Variants in WDR72 observed in about 807,000 individuals in gnomAD.
WDR72 encodes the protein WD repeat-containing protein 72.
WDR72 carries 120 observed loss-of-function variants against 124.2 expected under a neutral mutation model. The observed-to-expected ratio is 0.97, with a 90% CI of 0.83 to 1.12. The LOEUF is 1.12. Among genes scored for constraint, WDR72 ranks in the 50% most tolerant of loss-of-function variants. WDR72 has a pLI of 0.00. For synonymous variants in WDR72, 452 were observed against 441.7 expected, an observed-to-expected ratio of 1.02 and a Z score of -0.29; for missense variants, 1,387 against 1,278.8, an observed-to-expected ratio of 1.08 and a Z score of -1.29.
chr15:53,566,229 T>C (rs1487287304), intron 18 of WDR72, among the ~76,000 whole-genome samples: 5 of 151,960 alleles, frequency 3.3e-5, no homozygotes, highest in Non-Finnish European at 5.9e-5. Flanking sequence ...TCCAAGTACA[T>C]GCTGGTAGTA....
intron 14 of WDR72, among the ~76,000 whole-genome samples, chr15:53,643,051 C>T (rs926262696): frequency 1.3e-5 from 2 of 152,018 alleles, no homozygotes; most frequent in African/African-American, 4.8e-5. Context: ...TTTGCCACTG[C>T]CTTGTCCATT....
chr15:53,604,611 C>G (rs201379456), intron 17 of WDR72, among the ~76,000 whole-genome samples: 1 of 73,174 alleles, frequency 1.4e-5, no homozygotes, highest in Non-Finnish European at 3.2e-5. Flanking sequence ...CCAGAGTCTA[C>G]AAAGAACTTA....
At chr15:53,567,477 G>A (rs984376686) in intron 18 of WDR72, among the ~76,000 whole-genome samples, 1 of 151,832 alleles carries the variant, frequency 6.6e-6, no homozygotes, top group African/African-American at 2.4e-5. Flanking sequence ...TTTTTCAAAG[G>A]GACTAAGTTC....
At chr15:53,732,399 C>T (rs689955) in intron 2 of WDR72, among the ~76,000 whole-genome samples, 9,377 of 152,080 alleles carry the variant, frequency 0.062, 980 homozygotes, top group African/African-American at 0.21. Flanking sequence ...TATTCTGATA[C>T]GTTAAATGTT....
chr15:53,629,273 T>A (rs2014330962), intron 14 of WDR72, among the ~76,000 whole-genome samples: 1 of 151,780 alleles, frequency 6.6e-6, no homozygotes. Flanking sequence ...GAAAAAATTT[T>A]TCTCTAGAAA....
intron 13 of WDR72, among the ~76,000 whole-genome samples, chr15:53,687,971 A>C (rs1157938420): frequency 1.4e-5 from 2 of 147,696 alleles, no homozygotes; most frequent in Non-Finnish European, 3.0e-5. Flanking sequence ...CCACATGATT[A>C]TCTCAATAGA....
At chr15:53,674,879 G>A (rs531751507) in intron 13 of WDR72, among the ~76,000 whole-genome samples, 2 of 151,876 alleles carry the variant, frequency 1.3e-5, no homozygotes, top group South Asian at 4.2e-4. Context: ...CAACCCTCAC[G>A]TCTAATTCTG....
chr15:53,726,264 G>GTATATATATATATATATATATAATATA (rs34367324), intron 2 of WDR72, among the ~76,000 whole-genome samples: 4 of 110,356 alleles, frequency 3.6e-5, no homozygotes, highest in African/African-American at 1.8e-4. Flanking sequence ...ATGTATGTGT[G>GTATATATATATATATATATATAATATA]TATATATATA....
chr15:53,687,038 A>G (rs1427602012), intron 13 of WDR72, among the ~76,000 whole-genome samples: 2 of 150,992 alleles, frequency 1.3e-5, no homozygotes, highest in Non-Finnish European at 2.9e-5. Context: ...AACATACCAG[A>G]ATCTCTGGGA....
chr15:53,687,162 A>G (rs2016664762), intron 13 of WDR72, among the ~76,000 whole-genome samples: 1 of 148,442 alleles, frequency 6.7e-6, no homozygotes, highest in African/African-American at 2.5e-5. Flanking sequence ...CTAGAAAAGC[A>G]AGAGCAAACA....
intron 18 of WDR72, among the ~76,000 whole-genome samples, chr15:53,524,477 G>T (rs553392208): frequency 6.6e-6 from 1 of 152,074 alleles, no homozygotes; most frequent in Admixed American, 6.6e-5. Context: ...CATTTGGTAC[G>T]TGACACAACG....
At chr15:53,529,677 C>T (rs1892342570) in intron 18 of WDR72, among the ~76,000 whole-genome samples, 1 of 151,854 alleles carries the variant, frequency 6.6e-6, no homozygotes, top group Non-Finnish European at 1.5e-5. Flanking sequence ...AGTATGTGTT[C>T]CTGTGGACTC....
At chr15:53,687,104 A>G (rs1426227192) in intron 13 of WDR72, among the ~76,000 whole-genome samples, 1 of 150,134 alleles carries the variant, frequency 6.7e-6, no homozygotes, top group Non-Finnish European at 1.5e-5. Flanking sequence ...CCACAAGAGA[A>G]AGCAGGAAAG....
At chr15:53,555,103 G>GATTC (rs1397318540) in intron 18 of WDR72, among the ~76,000 whole-genome samples, 3 of 151,942 alleles carry the variant, frequency 2.0e-5, no homozygotes, top group African/African-American at 4.8e-5. Context: ...GAGATTTAAT[G>GATTC]ATTCATCTGA....
At chr15:53,552,305 A>T (rs1265964353) in intron 18 of WDR72, among the ~76,000 whole-genome samples, 1 of 152,162 alleles carries the variant, frequency 6.6e-6, no homozygotes, top group Non-Finnish European at 1.5e-5. Flanking sequence ...GATGCTACAT[A>T]TTCTCCACTA....
chr15:53,743,455 A>G (rs1218969887), intron 1 of WDR72, among the ~76,000 whole-genome samples: 1 of 152,164 alleles, frequency 6.6e-6, no homozygotes. Context: ...CCTACCTTTT[A>G]TAGTTAATAA....
At chr15:53,607,118 C>T (rs2013319798) in intron 17 of WDR72, among the ~76,000 whole-genome samples, 2 of 152,064 alleles carry the variant, frequency 1.3e-5, no homozygotes, top group Admixed American at 1.3e-4. Context: ...CAACGCACAA[C>T]TATTTATTGT....
At chr15:53,723,127 G>A (rs1284659228) in intron 2 of WDR72, among the ~76,000 whole-genome samples, 1 of 152,162 alleles carries the variant, frequency 6.6e-6, no homozygotes, top group African/African-American at 2.4e-5. Flanking sequence ...TTGGTTTGGT[G>A]TCCATCATGA....
intron 9 of WDR72, 133 bp from the exon 10 acceptor site, chr15:53,706,207 C>T: frequency 9.2e-7 from 1 of 1,085,036 alleles, no homozygotes; most frequent in Non-Finnish European, 1.3e-6. Flanking sequence ...TTGACATTTT[C>T]AAGTAAATTA....
Sources: allele counts gnomAD v4.1 joint callset (sites outside exome capture counted in the v4.1 genomes callset), GRCh38; gene constraint gnomAD v4.1.1; transcripts MANE v1.5; gene names NCBI Gene and HGNC (gene_info 2026-07-23, HGNC 2026-07-21).